FGGY: variants seen among roughly 807,000 people sequenced by gnomAD.
FGGY encodes FGGY carbohydrate kinase domain containing.
A neutral mutation model predicts 71.3 loss-of-function variants in FGGY; 72 were observed. That is an observed-to-expected ratio of 1.01 (90% CI 0.84 to 1.23). The LOEUF is 1.23. Among genes scored for constraint, FGGY ranks in the 50% most tolerant of loss-of-function variants. The probability of loss-of-function intolerance (pLI) is 0.00; values close to 1 mark genes in which losing one functional copy is unlikely to be tolerated. For missense variants in FGGY, 668 were observed against 682.3 expected (o/e 0.98, Z 0.23); for synonymous variants, 251 against 250.3 (o/e 1.00, Z -0.02).
intron 5 of FGGY, among the ~76,000 whole-genome samples, chr1:59,429,835 T>TA (rs769252452): frequency 6.6e-6 from 1 of 152,224 alleles, no homozygotes; most frequent in Non-Finnish European, 1.5e-5. Flanking sequence ...TCTGGAGTAA[T>TA]AAGTGAGTGA....
chr1:59,362,021 A>G (rs954192346), intron 4 of FGGY, among the ~76,000 whole-genome samples: 3 of 152,066 alleles, frequency 2.0e-5, no homozygotes, highest in Non-Finnish European at 2.9e-5. Context: ...GACCGCGAAC[A>G]CGGCTGATTT....
At position 59,758,651 on chromosome 1, in the gene FGGY, G is replaced by A. The variant is rs77534641; in HGVS notation, c.1574+659G>A. ...TAACTTTAAGCTCTTGTAAGAAATT[G>A]GTAGACAGGCCAAGGCAAGAAAGAA... On this transcript the variant is annotated intron_variant, in intron 15 of 15. Transcript: ENST00000303721. 3.2e-4 allele frequency among the ~76,000 whole-genome samples: 48 copies of A among 152,266 alleles called. No homozygotes were observed. In the East Asian group the frequency reaches 8.9e-3, roughly 28 times the overall value.
intron 5 of FGGY, among the ~76,000 whole-genome samples, chr1:59,409,285 G>T (rs1480629561): frequency 6.6e-6 from 1 of 152,144 alleles, no homozygotes; most frequent in Non-Finnish European, 1.5e-5. Context: ...AAAGCATAAG[G>T]ACACTTTCAT....
At chr1:59,382,858 C>G (rs2059634933) in intron 5 of FGGY, among the ~76,000 whole-genome samples, 1 of 152,150 alleles carries the variant, frequency 6.6e-6, no homozygotes, top group African/African-American at 2.4e-5. Context: ...GACTGCCTCC[C>G]TGATTCTTTC....
intron 14 of FGGY, among the ~76,000 whole-genome samples, chr1:59,733,799 C>G (rs1166742044): frequency 6.6e-6 from 1 of 152,220 alleles, no homozygotes; most frequent in East Asian, 1.9e-4. Context: ...CTGCATCCCC[C>G]TAAGTGGGCC....
At chr1:59,314,410 TGTGCCTCCCA>T (rs1339375973) in intron 1 of FGGY, among the ~76,000 whole-genome samples, 2 of 152,242 alleles carry the variant, frequency 1.3e-5, no homozygotes, top group East Asian at 3.8e-4. Flanking sequence ...ATTTTCCTTC[TGTGCCTCCCA>T]GTGCCATTGA....
intron 5 of FGGY, among the ~76,000 whole-genome samples, chr1:59,450,093 A>G (rs777745408): frequency 2.0e-5 from 3 of 152,052 alleles, no homozygotes; most frequent in African/African-American, 7.2e-5. Flanking sequence ...GTTTTAATCT[A>G]TTTTCTTTTT....
chr1:59,643,134 C>A (rs1365240985), intron 11 of FGGY, among the ~76,000 whole-genome samples: 1 of 151,342 alleles, frequency 6.6e-6, no homozygotes, highest in East Asian at 1.9e-4. Context: ...ACTACTGAAA[C>A]CAAAAGAAAA....
chr1:59,447,600 T>C (rs2071589189), intron 5 of FGGY, among the ~76,000 whole-genome samples: 1 of 152,174 alleles, frequency 6.6e-6, no homozygotes, highest in Non-Finnish European at 1.5e-5. Flanking sequence ...CAGTGGGAGA[T>C]AATTGAATCA....
intron 8 of FGGY, among the ~76,000 whole-genome samples, chr1:59,603,418 G>T (rs998900274): frequency 1.3e-5 from 2 of 152,192 alleles, no homozygotes; most frequent in African/African-American, 4.8e-5. Flanking sequence ...ACTATTGCCT[G>T]TGGTTGTTCA....
intron 6 of FGGY, among the ~76,000 whole-genome samples, chr1:59,507,684 ATTTTTTTTTTT>A (rs561953004): frequency 4.7e-5 from 5 of 106,908 alleles, no homozygotes; most frequent in Admixed American, 4.0e-4. Flanking sequence ...TGCTTGGCTA[ATTTTTTTTTTT>A]TTTTTTTTTT....
At chr1:59,613,633 GA>G (rs1426404552) in intron 9 of FGGY, among the ~76,000 whole-genome samples, 1 of 152,046 alleles carries the variant, frequency 6.6e-6, no homozygotes, top group African/African-American at 2.4e-5. Flanking sequence ...CAGAAGGCAA[GA>G]AATAACTAAA....
chr1:59,539,846 AT>A (rs2095412565), intron 7 of FGGY, among the ~76,000 whole-genome samples: 1 of 152,250 alleles, frequency 6.6e-6, no homozygotes, highest in African/African-American at 2.4e-5. Flanking sequence ...TGCAATGCAT[AT>A]AACAAAAGAT....
intron 14 of FGGY, among the ~76,000 whole-genome samples, chr1:59,738,591 C>T (rs565416245): frequency 5.3e-5 from 8 of 152,214 alleles, no homozygotes; most frequent in Admixed American, 1.3e-4. Context: ...GTAGGAAAAC[C>T]GCTGCTATCT....
intron 14 of FGGY, among the ~76,000 whole-genome samples, chr1:59,744,593 ACTGT>A (rs1467478126): frequency 6.6e-6 from 1 of 152,234 alleles, no homozygotes; most frequent in East Asian, 1.9e-4. Flanking sequence ...TGTGATCCTA[ACTGT>A]CTGACATCGG....
At chr1:59,297,562 C>A (rs528792110) in intron 1 of FGGY, among the ~76,000 whole-genome samples, 210 of 152,294 alleles carry the variant, frequency 1.4e-3, no homozygotes, top group African/African-American at 4.9e-3. Flanking sequence ...GTGGCTCACG[C>A]CTGTAATCCC....
chr1:59,536,875 C>A (rs1249474001), intron 7 of FGGY, among the ~76,000 whole-genome samples: 1 of 152,034 alleles, frequency 6.6e-6, no homozygotes, highest in African/African-American at 2.4e-5. Context: ...TTATGACAAA[C>A]CCACAGCCAA....
chr1:59,757,102 T>C (rs1283421356), intron 14 of FGGY, among the ~76,000 whole-genome samples: 3 of 152,208 alleles, frequency 2.0e-5, no homozygotes, highest in African/African-American at 7.2e-5. Context: ...TAGCCGTTCC[T>C]AAGACTGAGC....
chr1:59,448,880 A>G (rs1219445810), intron 5 of FGGY, among the ~76,000 whole-genome samples: 1 of 152,176 alleles, frequency 6.6e-6, no homozygotes, highest in Non-Finnish European at 1.5e-5. Context: ...CCCCACTCAT[A>G]CACACTCATG....
Sources: allele counts gnomAD v4.1 joint callset (sites outside exome capture counted in the v4.1 genomes callset), GRCh38; gene constraint gnomAD v4.1.1; transcripts MANE v1.5; gene names NCBI Gene and HGNC (gene_info 2026-07-23, HGNC 2026-07-21).